The following WWOX variants were observed in gnomAD, a reference collection of about 807,000 sequenced individuals.
WWOX encodes the protein WW domain-containing oxidoreductase.
A neutral mutation model predicts 46.2 loss-of-function variants in WWOX; 69 were observed. That is an observed-to-expected ratio of 1.49 (90% CI 1.23 to 1.82). The LOEUF (loss-of-function observed/expected upper bound fraction) is 1.82, where lower values mean the gene tolerates loss of function less well. Ranked by LOEUF, WWOX falls within the 40% of genes most tolerant of loss-of-function variation. WWOX has a pLI of 0.00. For synonymous variants in WWOX, 359 were observed against 202.6 expected, an observed-to-expected ratio of 1.77 and a Z score of -6.56; for missense variants, 919 against 542.6, an observed-to-expected ratio of 1.69 and a Z score of -6.89.
intron 8 of WWOX, among the ~76,000 whole-genome samples, chr16:78,474,918 T>A (rs904046281): frequency 6.6e-6 from 1 of 152,236 alleles, no homozygotes; most frequent in Admixed American, 6.5e-5. Context: ...CCTTGTTTTT[T>A]CTTACAAATA....
At chr16:79,058,973 T>C (rs534313895) in intron 8 of WWOX, among the ~76,000 whole-genome samples, 2 of 152,300 alleles carry the variant, frequency 1.3e-5, no homozygotes, top group East Asian at 3.9e-4. Context: ...TTAAATCTGA[T>C]TTAAAAGGAA....
At chr16:78,504,863 C>G (rs16947818) in intron 8 of WWOX, among the ~76,000 whole-genome samples, 8,732 of 152,044 alleles carry the variant, frequency 0.057, 857 homozygotes, top group African/African-American at 0.2. Context: ...TAGAATATCT[C>G]GAGTTCTTAA....
At position 78,261,772 on chromosome 16, in the gene WWOX, GTATCTATCTATCTATCTATATATAT is replaced by G. The variant is rs2079240490; in HGVS notation, c.516+97484_516+97508del. On this transcript the variant is annotated intron_variant, in intron 5 of 8. Transcript: ENST00000566780. ...TGTGTCTGTCTATCTATCTATCTATGTATCTATCTATCTATCTATATATATATATATATATATATATATATACTTA... is the reference window on the plus strand; with the variant it reads ...TGTGTCTGTCTATCTATCTATCTATGATATATATATATATATATATACTTA... Among the ~76,000 whole-genome samples the G allele has an allele frequency of 1.5e-4, 19 of 130,010 alleles. No homozygotes were observed. The South Asian group carries it at 2.6e-3, about 18-fold the overall frequency. The allele number at this position is 130,010 out of a possible 152,430, so 85.3% of individuals were successfully genotyped here. A position where few individuals can be genotyped will look rare whatever the true frequency, so the allele number is the denominator to read the frequency against.
intron 8 of WWOX, among the ~76,000 whole-genome samples, chr16:78,816,695 C>T (rs1046434000): frequency 6.6e-5 from 10 of 151,830 alleles, no homozygotes; most frequent in African/African-American, 2.4e-4. Flanking sequence ...TTTTATGTCA[C>T]TTTAAAATGT....
intron 5 of WWOX, among the ~76,000 whole-genome samples, chr16:78,214,032 G>T (rs540893355): frequency 6.6e-6 from 1 of 152,128 alleles, no homozygotes. Flanking sequence ...GCGCCTCCCA[G>T]CCACTGGGGC....
intron 8 of WWOX, among the ~76,000 whole-genome samples, chr16:78,673,156 C>G (rs961246623): frequency 1.3e-5 from 2 of 152,218 alleles, no homozygotes; most frequent in Admixed American, 6.5e-5. Flanking sequence ...AGTCCTCATT[C>G]TCATTCACGG....
At chr16:78,399,042 C>A (rs527766470) in intron 6 of WWOX, among the ~76,000 whole-genome samples, 1 of 133,420 alleles carries the variant, frequency 7.5e-6, no homozygotes, top group East Asian at 2.1e-4. Context: ...AAAGATGGAA[C>A]AGGTAAGTAT....
At chr16:78,735,746 A>G (rs1243576788) in intron 8 of WWOX, among the ~76,000 whole-genome samples, 1 of 151,644 alleles carries the variant, frequency 6.6e-6, no homozygotes, top group African/African-American at 2.4e-5. Context: ...AATGGACTCT[A>G]ACTTTAGAAT....
chr16:78,270,034 A>G (rs2079444204), intron 5 of WWOX, among the ~76,000 whole-genome samples: 1 of 150,408 alleles, frequency 6.6e-6, no homozygotes, highest in Non-Finnish European at 1.5e-5. Context: ...AATGATGTGT[A>G]TGATGTCATA....
intron 5 of WWOX, among the ~76,000 whole-genome samples, chr16:78,327,207 T>G (rs946040393): frequency 1.8e-4 from 27 of 152,194 alleles, no homozygotes; most frequent in African/African-American, 6.3e-4. Flanking sequence ...AGGCCAGGTC[T>G]GTCTTATGAA....
intron 5 of WWOX, among the ~76,000 whole-genome samples, chr16:78,373,811 A>G (rs557038769): frequency 5.9e-5 from 9 of 152,076 alleles, no homozygotes; most frequent in African/African-American, 9.7e-5. Context: ...ATTTTTTGAG[A>G]CAGAGTCTCA....
intron 8 of WWOX, among the ~76,000 whole-genome samples, chr16:78,537,982 C>G (rs1176937761): frequency 6.6e-6 from 1 of 151,994 alleles, no homozygotes; most frequent in Non-Finnish European, 1.5e-5. Flanking sequence ...ATGAAATTCA[C>G]CTTTCCCCGA....
intron 8 of WWOX, among the ~76,000 whole-genome samples, chr16:78,522,321 C>G (rs142513790): frequency 5.3e-5 from 8 of 151,898 alleles, no homozygotes; most frequent in Admixed American, 6.6e-5. Flanking sequence ...TGAAGGCTTG[C>G]GGAACATTAA....
chr16:78,813,420 G>T (rs1175194485), intron 8 of WWOX, among the ~76,000 whole-genome samples: 3 of 152,118 alleles, frequency 2.0e-5, no homozygotes, highest in Admixed American at 2.0e-4. Flanking sequence ...TACCAGAATG[G>T]AGGATACTTG....
intron 8 of WWOX, among the ~76,000 whole-genome samples, chr16:78,517,889 G>A (rs924318347): frequency 1.9e-5 from 2 of 106,912 alleles, no homozygotes; most frequent in Admixed American, 1.3e-4. Flanking sequence ...TACTCTGAAT[G>A]TGTAACTTTA....
intron 8 of WWOX, among the ~76,000 whole-genome samples, chr16:78,458,105 C>A (rs773569771): frequency 6.6e-6 from 1 of 151,818 alleles, no homozygotes; most frequent in Non-Finnish European, 1.5e-5. Flanking sequence ...GACTTCTCAT[C>A]CTGGAGTTCG....
chr16:78,269,680 A>C lies in WWOX; in HGVS notation c.516+105391A>C, dbSNP rs188226583. On this transcript the variant is annotated intron_variant, in intron 5 of 8. Transcript: ENST00000566780. The stretch of plus-strand genomic sequence containing the variant: ...CCTTTTGAATCAATTTGCTCCTCTA[A>C]TTTAAACAGCATTTCAATGTATATT... Among the ~76,000 whole-genome samples, 249 of 152,304 alleles carry C rather than the reference A, an allele frequency of 1.6e-3. 2 individuals carry two copies. Among genetic ancestry groups the C allele is most frequent in the Non-Finnish European group, 2.4e-3 (162 of 68,012 alleles).
chr16:78,411,287 T>C (rs187045646), intron 6 of WWOX, among the ~76,000 whole-genome samples: 3 of 152,298 alleles, frequency 2.0e-5, no homozygotes, highest in Admixed American at 2.0e-4. Context: ...AGTAGTAGTT[T>C]GCTTCTTTTT....
intron 8 of WWOX, among the ~76,000 whole-genome samples, chr16:78,653,838 G>A (rs1245375440): frequency 1.3e-5 from 2 of 152,226 alleles, no homozygotes; most frequent in African/African-American, 2.4e-5. Context: ...GTAACTTTTA[G>A]CACCAACTTA....
Sources: allele counts gnomAD v4.1 joint callset (sites outside exome capture counted in the v4.1 genomes callset), GRCh38; gene constraint gnomAD v4.1.1; transcripts MANE v1.5; gene names NCBI Gene and HGNC (gene_info 2026-07-23, HGNC 2026-07-21).